The following ITPRID1 variants were observed in gnomAD, a reference collection of about 807,000 sequenced individuals.
The protein encoded by ITPRID1 is protein ITPRID1.
ITPRID1 carries 96 observed loss-of-function variants against 95.4 expected under a neutral mutation model. The observed-to-expected ratio is 1.01, with a 90% CI of 0.85 to 1.19. The LOEUF (loss-of-function observed/expected upper bound fraction) is 1.19, where lower values mean the gene tolerates loss of function less well. Ranked by LOEUF, ITPRID1 falls within the 50% of genes most tolerant of loss-of-function variation. The probability of loss-of-function intolerance (pLI) is 0.00; values close to 1 mark genes in which losing one functional copy is unlikely to be tolerated. For missense variants in ITPRID1, 1,339 were observed against 1,252.9 expected (o/e 1.07, Z -1.04); for synonymous variants, 510 against 453.6 (o/e 1.12, Z -1.58).
In ITPRID1 at chr7:31,594,639, C is replaced by T. The variant is rs191334606; in HGVS notation, c.1228+11448C>T. Among the ~76,000 whole-genome samples, 16 of 152,080 alleles carry T rather than the reference C, an allele frequency of 1.1e-4. No homozygotes were observed. In the South Asian group the frequency reaches 2.7e-3, roughly 26 times the overall value. On this transcript the variant is annotated intron_variant, in intron 10 of 14. Coordinates refer to ENST00000615280, the MANE Select transcript of ITPRID1 (RefSeq NM_001257967.3). ...TGGGAGGTCGAGGCTGGTGGATCAC[C>T]TGAGGTCAGAAGTTTGAGGCCAGCC...
At chr7:31,592,845 T>C (rs1156405382) in intron 10 of ITPRID1, among the ~76,000 whole-genome samples, 1 of 151,986 alleles carries the variant, frequency 6.6e-6, no homozygotes, top group East Asian at 1.9e-4. Flanking sequence ...ACTCAAGTAA[T>C]AAAACCAAGG....
At chr7:31,618,475 A>G (rs73315493) in intron 10 of ITPRID1, among the ~76,000 whole-genome samples, 16,379 of 152,206 alleles carry the variant, frequency 0.11, 1,010 homozygotes, top group Middle Eastern at 0.17. Flanking sequence ...CAAGAAGGGA[A>G]ATATTTCTTT....
intron 10 of ITPRID1, among the ~76,000 whole-genome samples, chr7:31,617,867 AC>A (rs1295210960): frequency 6.6e-6 from 1 of 152,242 alleles, no homozygotes; most frequent in Non-Finnish European, 1.5e-5. Context: ...GAAGAGAGTT[AC>A]TTTTATTTAC....
intron 5 of ITPRID1, among the ~76,000 whole-genome samples, chr7:31,568,051 G>A (rs943587236): frequency 2.6e-5 from 4 of 151,828 alleles, no homozygotes; most frequent in East Asian, 1.9e-4. Flanking sequence ...ACTTGAACTC[G>A]GGAGGCAGAG....
At chr7:31,516,529 C>T (rs1049778824) in intron 1 of ITPRID1, among the ~76,000 whole-genome samples, 2 of 152,046 alleles carry the variant, frequency 1.3e-5, no homozygotes, top group African/African-American at 4.8e-5. Flanking sequence ...GTTAGAGATG[C>T]CATAGCTCAG....
chr7:31,582,505 C>T (rs1017153469), intron 9 of ITPRID1, among the ~76,000 whole-genome samples: 12 of 152,126 alleles, frequency 7.9e-5, no homozygotes, highest in Non-Finnish European at 1.6e-4. Context: ...CCCACCTTTG[C>T]CTCCCAAAGT....
chr7:31,642,100 C>G, intron 10 of ITPRID1, 76 bp from the exon 11 acceptor site: 1 of 990,050 alleles, frequency 1.0e-6, no homozygotes, highest in African/African-American at 1.6e-5. Flanking sequence ...GTGTCAGGCA[C>G]CTAGAGGGGT....
chr7:31,656,532 C>CTG (rs34287737), downstream of ITPRID1: 1,478 of 821,464 alleles, frequency 1.8e-3, 4 homozygotes, highest in Admixed American at 0.024. Context: ...TTGAAAAGAA[C>CTG]TGTTAGCAAA....
chr7:31,566,708 G>T (rs1216884940), intron 5 of ITPRID1, among the ~76,000 whole-genome samples: 1 of 152,142 alleles, frequency 6.6e-6, no homozygotes, highest in African/African-American at 2.4e-5. Flanking sequence ...AAATTACACG[G>T]TGCTTGCATC....
chr7:31,599,370 C>T (rs1049750753), intron 10 of ITPRID1, among the ~76,000 whole-genome samples: 1 of 151,840 alleles, frequency 6.6e-6, no homozygotes, highest in African/African-American at 2.4e-5. Flanking sequence ...TAATAATGTG[C>T]AAAGTAAAAG....
At chr7:31,547,560 CGG>C (rs1784140772) in intron 1 of ITPRID1, among the ~76,000 whole-genome samples, 3 of 152,138 alleles carry the variant, frequency 2.0e-5, no homozygotes, top group Non-Finnish European at 2.9e-5. Flanking sequence ...AACCTCCTAC[CGG>C]GTCCTTCCCT....
At chr7:31,644,058 C>T (rs564675357) in intron 12 of ITPRID1, 105 bp downstream of exon 12, 8 of 1,030,994 alleles carry the variant, frequency 7.8e-6, no homozygotes, top group Admixed American at 2.7e-5. Context: ...TCAGGGCAAA[C>T]TTTTCTATTT....
At chr7:31,537,667 T>C (rs1412052819) in intron 1 of ITPRID1, among the ~76,000 whole-genome samples, 1 of 152,200 alleles carries the variant, frequency 6.6e-6, no homozygotes, top group Non-Finnish European at 1.5e-5. Flanking sequence ...TCTTATTCCA[T>C]TGATTTTTAA....
intron 10 of ITPRID1, among the ~76,000 whole-genome samples, chr7:31,606,129 CATA>C (rs1786611335): frequency 6.6e-6 from 1 of 152,072 alleles, no homozygotes; most frequent in East Asian, 1.9e-4. Context: ...CTGTGTTTAT[CATA>C]ATGATTCTTA....
chr7:31,552,059 A>G (rs1234440599), intron 2 of ITPRID1: 1 of 330,686 alleles, frequency 3.0e-6, no homozygotes. Context: ...CCTTGTTCTC[A>G]TGGTGCTTAT....
At chr7:31,587,665 A>G (rs1333917236) in intron 10 of ITPRID1, among the ~76,000 whole-genome samples, 9 of 151,514 alleles carry the variant, frequency 5.9e-5, no homozygotes, top group African/African-American at 2.2e-4. Flanking sequence ...GAACCAAAAA[A>G]GAGCCCGCGT....
chr7:31,573,384 A>G (rs891695201), intron 7 of ITPRID1, among the ~76,000 whole-genome samples: 2 of 152,004 alleles, frequency 1.3e-5, no homozygotes, highest in Non-Finnish European at 2.9e-5. Flanking sequence ...TTTTTTAAAA[A>G]AGAGACACAA....
At position 31,651,175 on chromosome 7, in the gene ITPRID1, A is replaced by G; in HGVS notation, c.2617A>G (p.Ile873Val). ...CCATGAGATGGAAGCCATGAAGACG[A>G]TATGCCAAAGTTTCCGGGAGTATTT... Reference protein sequence around the residue: ...TVHEMEAMKTICQSFREYLEE... With the variant: ...TVHEMEAMKTVCQSFREYLEE... The change falls in exon 13 of 15, where the codon ATA (isoleucine) becomes GTA (valine). Residue 873 changes from isoleucine (I) to valine (V), a missense_variant. Physicochemically the swap from Ile to Val is conservative, Grantham distance 29 (BLOSUM62 3). Transcript: ENST00000615280. 1 of 1,613,576 alleles carries G rather than the reference A, an allele frequency of 6.2e-7. No homozygotes were observed. The highest frequency in any genetic ancestry group is 2.2e-5 in the East Asian group (1 of 44,866).
At position 31,595,128 on chromosome 7, in the gene ITPRID1, A is replaced by G. The variant is rs186037431; in HGVS notation, c.1228+11937A>G. ...GCTCTGTCACCCAGGCTGGAGTGCAACCGCCTCCCAGGTTTAAGTGGTTCT... is the reference window on the plus strand; with the variant it reads ...GCTCTGTCACCCAGGCTGGAGTGCAGCCGCCTCCCAGGTTTAAGTGGTTCT... On this transcript the variant is annotated intron_variant, in intron 10 of 14. Transcript: ENST00000615280. Among the ~76,000 whole-genome samples the G allele has an allele frequency of 2.7e-5, 4 of 147,972 alleles. No homozygotes were observed. The East Asian group carries it at 8.0e-4, about 30-fold the overall frequency.
Sources: allele counts gnomAD v4.1 joint callset (sites outside exome capture counted in the v4.1 genomes callset), GRCh38; gene constraint gnomAD v4.1.1; transcripts MANE v1.5; gene names NCBI Gene and HGNC (gene_info 2026-07-23, HGNC 2026-07-21).